The following ZCCHC10 variants were observed in gnomAD, a reference collection of about 807,000 sequenced individuals.
ZCCHC10 encodes the protein zinc finger CCHC-type containing 10, also known as zinc finger CCHC domain-containing protein 10.
Under a neutral mutation model 19.5 loss-of-function variants are expected in ZCCHC10, and 16 were observed. The observed-to-expected ratio is 0.82, with a 90% confidence interval of 0.56 to 1.25. The LOEUF is 1.25. Among genes scored for constraint, ZCCHC10 ranks in the 50% most tolerant of loss-of-function variants. The probability of loss-of-function intolerance (pLI) is 0.00; values close to 1 mark genes in which losing one functional copy is unlikely to be tolerated. For missense variants in ZCCHC10, 197 were observed against 201.0 expected, an observed-to-expected ratio of 0.98 and a Z score of 0.12; for synonymous variants, 67 against 72.5, an observed-to-expected ratio of 0.92 and a Z score of 0.38.
At chr5:133,020,873 A>C (rs1372707324) in intron 2 of ZCCHC10, among the ~76,000 whole-genome samples, 1 of 151,662 alleles carries the variant, frequency 6.6e-6, no homozygotes, top group Non-Finnish European at 1.5e-5. Context: ...AGCGCCCGCC[A>C]CCATGCCCGG....
intron 1 of ZCCHC10, among the ~76,000 whole-genome samples, 165 bp downstream of exon 1, chr5:133,026,332 C>T (rs903438770): frequency 2.0e-5 from 3 of 152,242 alleles, no homozygotes; most frequent in African/African-American, 7.2e-5. Context: ...TCGCTAACCC[C>T]CGGTCACCAG....
In ZCCHC10 at chr5:133,026,526, G is replaced by A. The variant is rs780665058; in HGVS notation, c.12C>T (p.Pro4=). The A allele has an allele frequency of 2.4e-5, 39 of 1,613,656 alleles. No individual in the cohort carries two copies. Among genetic ancestry groups the A allele is most frequent in the African/African-American group, 5.3e-5 (4 of 74,888 alleles). The change falls in exon 1 of 5, where the codon CCC becomes CCT. Residue 4 remains proline, a synonymous_variant. Coordinates refer to ENST00000509437, the MANE Select transcript of ZCCHC10 (RefSeq NM_001300816.3). ...GTCTCCGGGCTATTAGCCGATGCAT[G>A]GGAGTCGCCATCTTAGCGCGGTCAA... MAT[P]MHRLIARRQA...
At chr5:133,000,701 G>T (rs1762713269) in intron 3 of ZCCHC10, among the ~76,000 whole-genome samples, 1 of 148,948 alleles carries the variant, frequency 6.7e-6, no homozygotes, top group African/African-American at 2.5e-5. Flanking sequence ...CTGGTGCAGT[G>T]GCGCGATCTT....
chr5:133,014,699 CAT>C (rs1763804924), intron 2 of ZCCHC10, among the ~76,000 whole-genome samples: 1 of 152,346 alleles, frequency 6.6e-6, no homozygotes, highest in Admixed American at 6.5e-5. Context: ...CAAGCCCACT[CAT>C]GTGGCTATTT....
intron 4 of ZCCHC10, among the ~76,000 whole-genome samples, chr5:132,999,145 G>A (rs568686863): frequency 1.1e-3 from 161 of 152,088 alleles, no homozygotes; most frequent in Admixed American, 2.6e-3. Context: ...GGCTGGTCTC[G>A]AACTCCTGAC....
chr5:133,023,248 T>G (rs1256860263), intron 1 of ZCCHC10, among the ~76,000 whole-genome samples: 1 of 152,088 alleles, frequency 6.6e-6, no homozygotes, highest in East Asian at 1.9e-4. Flanking sequence ...CATATAAGGT[T>G]TAATAGAAGA....
intron 2 of ZCCHC10, among the ~76,000 whole-genome samples, chr5:133,008,963 T>A (rs1335691816): frequency 1.3e-5 from 2 of 151,860 alleles, no homozygotes; most frequent in Admixed American, 6.6e-5. Flanking sequence ...CAGTAAGCTA[T>A]GATTGCACCA....
chr5:133,006,201 G>A (rs142607084), intron 3 of ZCCHC10, among the ~76,000 whole-genome samples: 313 of 151,620 alleles, frequency 2.1e-3, no homozygotes, highest in African/African-American at 6.9e-3. Context: ...GCCAGGCGTC[G>A]GCCTCCCAAA....
intron 3 of ZCCHC10, chr5:133,003,210 GT>G: frequency 2.7e-6 from 1 of 376,836 alleles, no homozygotes; most frequent in Non-Finnish European, 5.2e-6. Context: ...GAGCAGCACT[GT>G]TTCTCTCGCC....
intron 4 of ZCCHC10, 29 bp from the exon 5 acceptor site, chr5:132,998,879 G>A (rs1322204291): frequency 1.3e-6 from 2 of 1,596,284 alleles, no homozygotes; most frequent in African/African-American, 1.4e-5. Flanking sequence ...TTATATACAT[G>A]GGAAGGTGAC....
chr5:133,017,453 T>C (rs952442072), intron 2 of ZCCHC10, among the ~76,000 whole-genome samples: 1 of 152,036 alleles, frequency 6.6e-6, no homozygotes, highest in Non-Finnish European at 1.5e-5. Flanking sequence ...CACTGCAACC[T>C]GAATCTCCTG....
intron 4 of ZCCHC10, 53 bp from the exon 5 acceptor site, chr5:132,998,903 T>G (rs1295633318): frequency 2.5e-6 from 4 of 1,572,814 alleles, no homozygotes; most frequent in Admixed American, 1.9e-5. Context: ...TAATAGAATG[T>G]TAAAAGCAAT....
chr5:133,011,617 C>A (rs1382490077), intron 2 of ZCCHC10, among the ~76,000 whole-genome samples: 1 of 117,392 alleles, frequency 8.5e-6, no homozygotes. Context: ...TACAGTGAGA[C>A]TCCATCTAAA....
rs981062925 is a variant in ZCCHC10, at chr5:133,026,484, GATCCTTACTTA to G, written c.41+2_41+12del. ...CCAGCCCTCCAGTGGACCCGAACCGGATCCTTACTTACGCTTGTCTCCGGGCTATTAGCCGA... is the reference window on the plus strand; with the variant it reads ...CCAGCCCTCCAGTGGACCCGAACCGGCGCTTGTCTCCGGGCTATTAGCCGA... On this transcript the variant is annotated splice_donor_variant and splice_donor_5th_base_variant and intron_variant, in intron 1 of 4. Coordinates refer to ENST00000509437, the MANE Select transcript of ZCCHC10 (RefSeq NM_001300816.3). LOFTEE classifies it high-confidence loss of function. The G allele has an allele frequency of 6.2e-7, 1 of 1,613,312 alleles. No individual in the cohort carries two copies. The highest frequency in any genetic ancestry group is 8.5e-7 in the Non-Finnish European group (1 of 1,179,862).
intron 3 of ZCCHC10, among the ~76,000 whole-genome samples, chr5:133,002,210 C>T (rs1259366297): frequency 6.6e-6 from 1 of 151,934 alleles, no homozygotes; most frequent in Non-Finnish European, 1.5e-5. Flanking sequence ...ATCCACCCGC[C>T]TCAGCCTCCC....
At chr5:133,011,841 T>G (rs1763558097) in intron 2 of ZCCHC10, among the ~76,000 whole-genome samples, 1 of 151,774 alleles carries the variant, frequency 6.6e-6, no homozygotes, top group African/African-American at 2.4e-5. Context: ...TTCTAAAATA[T>G]GTACACAGCC....
chr5:133,015,100 ACTAAGT>A (rs1414222122), intron 2 of ZCCHC10, among the ~76,000 whole-genome samples: 4 of 117,182 alleles, frequency 3.4e-5, no homozygotes, highest in African/African-American at 1.7e-4. Context: ...TTTTTTTGAG[ACTAAGT>A]CTTGCTCTGT....
intron 2 of ZCCHC10, among the ~76,000 whole-genome samples, chr5:133,021,967 G>A (rs1220230788): frequency 6.6e-6 from 1 of 151,770 alleles, no homozygotes; most frequent in Non-Finnish European, 1.5e-5. Flanking sequence ...CTAATTTTTT[G>A]TATTTTTAGT....
At chr5:133,015,066 G>A (rs1208637029) in intron 2 of ZCCHC10, among the ~76,000 whole-genome samples, 2 of 148,780 alleles carry the variant, frequency 1.3e-5, no homozygotes, top group African/African-American at 5.0e-5. Context: ...ACCAGACTTC[G>A]CCACTGTGAG....
Sources: gnomAD v4.1 joint callset for allele counts (sites outside exome capture counted in the v4.1 genomes callset) on GRCh38, gnomAD v4.1.1 for gene constraint, MANE v1.5 for transcripts, NCBI Gene and HGNC (gene_info 2026-07-23, HGNC 2026-07-21) for gene names.